The following PTK2 variants were observed in gnomAD, a reference collection of about 807,000 sequenced individuals.
The protein encoded by PTK2 is focal adhesion kinase 1.
PTK2 carries 45 observed loss-of-function variants against 150.1 expected under a neutral mutation model. That is an observed-to-expected ratio of 0.30 (90% CI 0.24 to 0.38). The LOEUF is 0.38. PTK2 is among the 10% of genes least tolerant of loss of function. The probability of loss-of-function intolerance (pLI) is 1.00; values close to 1 mark genes in which losing one functional copy is unlikely to be tolerated. For missense variants in PTK2, 919 were observed against 1,307.3 expected, an observed-to-expected ratio of 0.70 and a Z score of 4.58; for synonymous variants, 432 against 449.2, an observed-to-expected ratio of 0.96 and a Z score of 0.48.
At chr8:140,715,340 T>C (rs1038955778) in intron 23 of PTK2, among the ~76,000 whole-genome samples, 1 of 151,846 alleles carries the variant, frequency 6.6e-6, no homozygotes, top group African/African-American at 2.4e-5. Flanking sequence ...GGCTGGCTGA[T>C]TTTTGTATAT....
At chr8:140,801,806 A>T (rs1315962273) in intron 11 of PTK2, among the ~76,000 whole-genome samples, 2 of 152,174 alleles carry the variant, frequency 1.3e-5, no homozygotes. Context: ...CCACATAACA[A>T]CATTTTGGTC....
chr8:140,795,585 C>T (rs954381927), intron 12 of PTK2, among the ~76,000 whole-genome samples: 4 of 152,180 alleles, frequency 2.6e-5, no homozygotes, highest in African/African-American at 9.7e-5. Context: ...ATATTATATG[C>T]TACAGTATTT....
chr8:140,831,361 G>C lies in PTK2; in HGVS notation c.594-835C>G, dbSNP rs148897124. The stretch of plus-strand genomic sequence containing the variant: ...AGGAAACACATAAAAGGATCAAGGA[G>C]AAAAGGGAAATACAGGTATCTTTTC... On this transcript the variant is annotated intron_variant, in intron 7 of 31. Coordinates refer to ENST00000522684, the Ensembl canonical transcript of PTK2. Among the ~76,000 whole-genome samples, 373 of 152,246 alleles carry C rather than the reference G, an allele frequency of 2.4e-3. 4 individuals carry two copies. Among genetic ancestry groups the C allele is most frequent in the African/African-American group, 7.7e-3 (318 of 41,546 alleles).
intron 5 of PTK2, among the ~76,000 whole-genome samples, chr8:140,859,268 G>C (rs958369365): frequency 6.6e-6 from 1 of 152,184 alleles, no homozygotes; most frequent in Non-Finnish European, 1.5e-5. Flanking sequence ...ATGGTACACT[G>C]AGTGGAGTGA....
At chr8:140,696,798 A>C (rs1292778371) in intron 26 of PTK2, among the ~76,000 whole-genome samples, 1 of 152,148 alleles carries the variant, frequency 6.6e-6, no homozygotes, top group Admixed American at 6.5e-5. Context: ...AGCTTTCCAT[A>C]TGCTCGGCAT....
At chr8:140,978,503 T>C (rs1158351844) in intron 1 of PTK2, among the ~76,000 whole-genome samples, 1 of 151,962 alleles carries the variant, frequency 6.6e-6, no homozygotes, top group Non-Finnish European at 1.5e-5. Context: ...AAGAGACACA[T>C]GAAAAAATGC....
At chr8:140,746,631 C>A in intron 18 of PTK2, 129 bp downstream of exon 21, 1 of 637,340 alleles carries the variant, frequency 1.6e-6, no homozygotes, top group Non-Finnish European at 2.6e-6. Flanking sequence ...TGAACCAAAA[C>A]CATAATGACA....
At chr8:140,849,336 G>C (rs534766275) in intron 5 of PTK2, among the ~76,000 whole-genome samples, 6 of 152,296 alleles carry the variant, frequency 3.9e-5, no homozygotes, top group African/African-American at 9.6e-5. Context: ...CTAGGCTCTA[G>C]AGAGTGTTCT....
chr8:140,911,746 T>C (rs1336086736), intron 2 of PTK2, among the ~76,000 whole-genome samples: 2 of 148,322 alleles, frequency 1.3e-5, no homozygotes, highest in African/African-American at 4.9e-5. Context: ...ATAATGTTTT[T>C]CTTAAACTTT....
chr8:140,919,806 G>A (rs1314065108), intron 2 of PTK2, among the ~76,000 whole-genome samples: 3 of 152,042 alleles, frequency 2.0e-5, no homozygotes, highest in African/African-American at 2.4e-5. Flanking sequence ...ATAATCAAGT[G>A]AACAAAATGA....
intron 22 of PTK2, among the ~76,000 whole-genome samples, chr8:140,720,982 C>T (rs2100042601): frequency 1.3e-5 from 2 of 152,160 alleles, no homozygotes; most frequent in Admixed American, 1.3e-4. Context: ...CTCTCAAACT[C>T]CTGACCTCAA....
chr8:140,753,371 A>C (rs1446184696), intron 16 of PTK2, among the ~76,000 whole-genome samples: 1 of 152,246 alleles, frequency 6.6e-6, no homozygotes, highest in African/African-American at 2.4e-5. Context: ...GGATGTAATA[A>C]GCTTGAGATG....
chr8:140,969,492 G>A (rs372214050), intron 1 of PTK2, among the ~76,000 whole-genome samples: 4 of 152,054 alleles, frequency 2.6e-5, no homozygotes, highest in East Asian at 1.9e-4. Flanking sequence ...AAATCCAATG[G>A]TCAATACTTA....
At position 140,968,278 on chromosome 8, in the gene PTK2, G is replaced by T. The variant is rs539103335; in HGVS notation, c.-122+32847C>A. ...AATATAAACTGTTTTCCAGTTTTTA[G>T]ATCAATATAAATCAGGGAATGATGA... On this transcript the variant is annotated intron_variant, in intron 1 of 31. Transcript: ENST00000522684. 2.6e-5 allele frequency among the ~76,000 whole-genome samples: 4 copies of T among 152,162 alleles called. No homozygotes were observed. The South Asian group carries it at 8.3e-4, about 32-fold the overall frequency.
chr8:140,707,325 C>G (rs1005474734), intron 23 of PTK2, among the ~76,000 whole-genome samples: 2 of 152,162 alleles, frequency 1.3e-5, no homozygotes, highest in Non-Finnish European at 2.9e-5. Context: ...CACGGTGAGA[C>G]CCCGTCTCTA....
At chr8:140,805,754 G>A (rs1175627204) in intron 10 of PTK2, among the ~76,000 whole-genome samples, 1 of 152,078 alleles carries the variant, frequency 6.6e-6, no homozygotes, top group Non-Finnish European at 1.5e-5. Context: ...GCCACCATAT[G>A]ATATTCTGCT....
intron 1 of PTK2, among the ~76,000 whole-genome samples, chr8:140,947,631 T>C (rs1189755478): frequency 6.6e-6 from 1 of 152,330 alleles, no homozygotes. Flanking sequence ...CAAGTTTTTT[T>C]TTTTAAAGGT....
chr8:140,709,835 A>G (rs1564835811), intron 23 of PTK2, among the ~76,000 whole-genome samples: 1 of 152,206 alleles, frequency 6.6e-6, no homozygotes, highest in Non-Finnish European at 1.5e-5. Flanking sequence ...AAAGGAAGAC[A>G]CTGGTATTCT....
At position 140,669,752 on chromosome 8, in the gene PTK2, G is replaced by C. The variant is rs2153089372; in HGVS notation, c.2710-1328C>G. 3 of 1,532,762 alleles carry C rather than the reference G, an allele frequency of 2.0e-6. 1 individual carries two copies. In the Middle Eastern group the frequency reaches 5.0e-4, roughly 256 times the overall value. 94.9% of individuals were successfully genotyped at this position (1,532,762 alleles called of 1,614,324 possible). A position where few individuals can be genotyped will look rare whatever the true frequency, so the allele number is the denominator to read the frequency against. ...CCTCCATGGCTATTGTCGAACGGAA[G>C]GTGAGGAAAAGTTAAAGGAATTTAT... On this transcript the variant is annotated intron_variant, in intron 29 of 31. Transcript: ENST00000522684.
Sources: gnomAD v4.1 joint callset for allele counts (sites outside exome capture counted in the v4.1 genomes callset) on GRCh38, gnomAD v4.1.1 for gene constraint, MANE v1.5 for transcripts, NCBI Gene and HGNC (gene_info 2026-07-23, HGNC 2026-07-21) for gene names.